The following DPP6 variants were observed in gnomAD, a reference collection of about 807,000 sequenced individuals.
The protein encoded by DPP6 is A-type potassium channel modulatory protein DPP6.
A neutral mutation model predicts 122.6 loss-of-function variants in DPP6; 69 were observed. The observed-to-expected ratio is 0.56, with a 90% CI of 0.46 to 0.69. The LOEUF is 0.69. Ranked by LOEUF, DPP6 falls within the 30% of genes least tolerant of loss-of-function variation. DPP6 has a pLI of 0.00. For synonymous variants in DPP6, 418 were observed against 433.1 expected (o/e 0.97, Z 0.43); for missense variants, 928 against 1,116.9 (o/e 0.83, Z 2.41).
At chr7:154,881,057 A>T in intron 21 of DPP6, 115 bp downstream of exon 21, 1 of 1,401,240 alleles carries the variant, frequency 7.1e-7, no homozygotes, top group Non-Finnish European at 9.3e-7. Flanking sequence ...TGAGCAAGTA[A>T]TTTTTTAAAA....
chr7:154,547,485 C>G (rs555815428), intron 4 of DPP6, among the ~76,000 whole-genome samples: 23 of 152,340 alleles, frequency 1.5e-4, no homozygotes, highest in African/African-American at 5.3e-4. Flanking sequence ...CAGCTGGCCC[C>G]TCAGACAGGA....
chr7:154,665,190 T>C (rs1043718618), intron 6 of DPP6, among the ~76,000 whole-genome samples: 1 of 152,210 alleles, frequency 6.6e-6, no homozygotes, highest in Non-Finnish European at 1.5e-5. Context: ...TTCTGCATTT[T>C]GGGTAAAAAA....
the DPP6 span, among the ~76,000 whole-genome samples, chr7:153,754,276 T>C: frequency 6.6e-6 from 1 of 152,150 alleles, no homozygotes; most frequent in Non-Finnish European, 1.5e-5. Context: ...CCCACCTACA[T>C]TTTTACTTTG....
At chr7:154,661,855 A>G (rs200519415) in intron 6 of DPP6, among the ~76,000 whole-genome samples, 73 of 85,998 alleles carry the variant, frequency 8.5e-4, no homozygotes, top group Middle Eastern at 0.022. Context: ...CATATTGGCC[A>G]TAGTGTTCAT....
At chr7:153,837,362 G>A in the DPP6 span, among the ~76,000 whole-genome samples, 159 of 152,162 alleles carry the variant, frequency 1.0e-3, no homozygotes, top group African/African-American at 3.7e-3. Context: ...ATCTAGCATC[G>A]CTACAATTCT....
chr7:153,769,295 T>C, the DPP6 span, among the ~76,000 whole-genome samples: 2 of 152,184 alleles, frequency 1.3e-5, no homozygotes, highest in Non-Finnish European at 1.5e-5. Context: ...GTATACAAGG[T>C]GATATTTTGA....
intron 13 of DPP6, among the ~76,000 whole-genome samples, chr7:154,802,435 A>AT (rs1798431073): frequency 6.6e-6 from 1 of 151,830 alleles, no homozygotes; most frequent in African/African-American, 2.4e-5. Flanking sequence ...TTCAGGTGCA[A>AT]TTTTTTCTCA....
intron 1 of DPP6, chr7:154,305,221 C>A: frequency 3.4e-6 from 4 of 1,185,204 alleles, no homozygotes; most frequent in Non-Finnish European, 3.1e-6. Flanking sequence ...ATCATTGTTT[C>A]TGTGGCGATT....
chr7:153,991,501 GTTTTAAAAACGGAGCATTGAT>G (rs1797175300), intron 1 of DPP6, among the ~76,000 whole-genome samples: 1 of 152,152 alleles, frequency 6.6e-6, no homozygotes, highest in South Asian at 2.1e-4. Flanking sequence ...TGTTAAGCAT[GTTTTAAAAACGGAGCATTGAT>G]TTTCTACAGC....
chr7:154,267,920 A>G (rs1054757247), intron 1 of DPP6, among the ~76,000 whole-genome samples: 1 of 148,552 alleles, frequency 6.7e-6, no homozygotes, highest in African/African-American at 2.5e-5. Context: ...GCACACATAC[A>G]TATTTATGTG....
At chr7:153,765,108 C>T in the DPP6 span, among the ~76,000 whole-genome samples, 1 of 151,662 alleles carries the variant, frequency 6.6e-6, no homozygotes, top group Non-Finnish European at 1.5e-5. Flanking sequence ...TCCACTCACT[C>T]TCTATTTGGA....
intron 1 of DPP6, among the ~76,000 whole-genome samples, chr7:154,107,756 G>A (rs1358928022): frequency 1.3e-5 from 2 of 152,088 alleles, no homozygotes; most frequent in Admixed American, 6.6e-5. Context: ...ACCTTACCAG[G>A]GTTCTTTTGG....
At chr7:154,767,561 C>T (rs1795986524) in intron 8 of DPP6, among the ~76,000 whole-genome samples, 1 of 152,002 alleles carries the variant, frequency 6.6e-6, no homozygotes. Context: ...CCTTTGTCTT[C>T]TCCTCACTGA....
intron 1 of DPP6, among the ~76,000 whole-genome samples, chr7:154,021,687 C>T (rs1310090437): frequency 6.6e-6 from 1 of 152,150 alleles, no homozygotes; most frequent in Non-Finnish European, 1.5e-5. Flanking sequence ...GTTCCAGTTC[C>T]ATCAGCTCAC....
At chr7:153,910,234 C>CTTTTTTCTTTTTTTTT (rs750065238) in intron 1 of DPP6, among the ~76,000 whole-genome samples, 21,370 of 135,238 alleles carry the variant, frequency 0.16, 2,032 homozygotes, top group Admixed American at 0.2. Context: ...TTCTTTCTTT[C>CTTTTTTCTTTTTTTTT]TTTTTTTTTT....
At chr7:154,748,764 G>A (rs1389418659) in intron 8 of DPP6, among the ~76,000 whole-genome samples, 5 of 152,146 alleles carry the variant, frequency 3.3e-5, no homozygotes, top group Non-Finnish European at 7.3e-5. Flanking sequence ...CAGTGGATGC[G>A]CTGGTTGGAA....
intron 16 of DPP6, among the ~76,000 whole-genome samples, chr7:154,852,394 T>G (rs1388861231): frequency 3.9e-5 from 6 of 152,100 alleles, no homozygotes; most frequent in Non-Finnish European, 8.8e-5. Flanking sequence ...TCTGTCTCCC[T>G]GGGACCACCC....
At chr7:154,552,295 C>G (rs1262006871) in intron 4 of DPP6, among the ~76,000 whole-genome samples, 1 of 152,156 alleles carries the variant, frequency 6.6e-6, no homozygotes, top group Non-Finnish European at 1.5e-5. Flanking sequence ...CGCCCCAAAC[C>G]TCCAGGGAAA....
At chr7:154,631,670 A>G (rs79508356) in intron 5 of DPP6, among the ~76,000 whole-genome samples, 1 of 48,540 alleles carries the variant, frequency 2.1e-5, no homozygotes, top group African/African-American at 1.4e-4. Context: ...CTGTCTCAAG[A>G]AAAAAAAAAA....
Sources: gnomAD v4.1 joint callset for allele counts (sites outside exome capture counted in the v4.1 genomes callset) on GRCh38, gnomAD v4.1.1 for gene constraint, MANE v1.5 for transcripts, NCBI Gene and HGNC (gene_info 2026-07-23, HGNC 2026-07-21) for gene names.